WWP2: variants seen among roughly 807,000 people sequenced by gnomAD.
WWP2 encodes WW domain containing E3 ubiquitin protein ligase 2, also known as NEDD4-like E3 ubiquitin-protein ligase WWP2.
A neutral mutation model predicts 121.0 loss-of-function variants in WWP2; 57 were observed. The observed-to-expected ratio is 0.47, with a 90% CI of 0.38 to 0.59. WWP2 has a LOEUF of 0.59. Among genes scored for constraint, WWP2 ranks in the 20% least tolerant of loss-of-function variants. The pLI is 0.00. For missense variants in WWP2, 962 were observed against 1,158.9 expected, an observed-to-expected ratio of 0.83 and a Z score of 2.47; for synonymous variants, 449 against 441.3, an observed-to-expected ratio of 1.02 and a Z score of -0.22.
chr16:69,892,330 A>G (rs1051317406), intron 8 of WWP2, among the ~76,000 whole-genome samples: 1 of 151,760 alleles, frequency 6.6e-6, no homozygotes, highest in Non-Finnish European at 1.5e-5. Context: ...TCCTAATGCT[A>G]TCCCTCCCCT....
rs200965935 is a variant in WWP2 at position 69,902,447 on chromosome 16, A to G, written c.915-6314A>G. ...CTGCTTTTAAAGTACTTTGAAGTAC[A>G]AAGACCTCGTGTAGTCCATGATCCA... On this transcript the variant is annotated intron_variant, in intron 8 of 23. Transcript: ENST00000359154. 2.0e-5 allele frequency among the ~76,000 whole-genome samples: 3 copies of G among 152,338 alleles called. No homozygotes were observed. The East Asian group carries it at 5.8e-4, about 29-fold the overall frequency.
chr16:69,783,373 T>C (rs916838772), intron 1 of WWP2, among the ~76,000 whole-genome samples: 2 of 152,042 alleles, frequency 1.3e-5, no homozygotes, highest in Non-Finnish European at 2.9e-5. Context: ...TGAACAACTC[T>C]TTAAGATAAG....
At position 69,939,030 on chromosome 16, in the gene WWP2, GT is replaced by G; in HGVS notation, c.2348del (p.Val783GlyfsTer71). On this transcript the variant is annotated frameshift_variant, in exon 22 of 24. Transcript: ENST00000359154. LOFTEE classifies it high-confidence loss of function. ...GCCTTGACTTGCGGACTTCCAGGTG[GT>G]GAAGGAGATGGACAACGAGAAGAGG... ...SKQIQWFWQV[V>X]KEMDNEKRIR... The G allele has an allele frequency of 1.2e-6, 2 of 1,601,500 alleles. No individual in the cohort carries two copies.
chr16:69,913,495 C>T (rs2058432664), intron 9 of WWP2, among the ~76,000 whole-genome samples: 1 of 151,786 alleles, frequency 6.6e-6, no homozygotes, highest in African/African-American at 2.4e-5. Flanking sequence ...GAGCAAGACC[C>T]TGTCTCAAAA....
chr16:69,885,464 T>C (rs1468877983), intron 7 of WWP2, among the ~76,000 whole-genome samples: 1 of 152,256 alleles, frequency 6.6e-6, no homozygotes. Context: ...AAATAAATCA[T>C]AGCCAATTTC....
chr16:69,834,962 T>G (rs1279496731), intron 4 of WWP2, among the ~76,000 whole-genome samples: 1 of 152,190 alleles, frequency 6.6e-6, no homozygotes, highest in African/African-American at 2.4e-5. Flanking sequence ...GCCCATCTTG[T>G]TCCTGTTGAG....
At chr16:69,894,482 AG>A (rs1017136623) in intron 8 of WWP2, among the ~76,000 whole-genome samples, 10 of 152,188 alleles carry the variant, frequency 6.6e-5, no homozygotes, top group African/African-American at 2.4e-4. Flanking sequence ...CCTGGGCTGA[AG>A]ATGTCCAAAT....
At chr16:69,821,149 A>G (rs2056586240) in intron 4 of WWP2, among the ~76,000 whole-genome samples, 1 of 152,188 alleles carries the variant, frequency 6.6e-6, no homozygotes, top group Non-Finnish European at 1.5e-5. Context: ...GCGGTCTCTG[A>G]AAAGCCCTCT....
intron 4 of WWP2, among the ~76,000 whole-genome samples, chr16:69,822,575 G>A (rs72783198): frequency 0.06 from 9,143 of 152,118 alleles, 319 homozygotes; most frequent in Middle Eastern, 0.11. Context: ...TCATGCATGT[G>A]TGTTTATCAA....
intron 18 of WWP2, 111 bp from the exon 19 acceptor site, chr16:69,936,201 C>A: frequency 6.5e-7 from 1 of 1,533,506 alleles, no homozygotes. Context: ...TGTCACTGTT[C>A]AGGATTCTAG....
intron 6 of WWP2, among the ~76,000 whole-genome samples, chr16:69,866,274 A>T (rs1316508977): frequency 2.7e-3 from 15 of 5,550 alleles, no homozygotes; most frequent in Admixed American, 9.4e-3. Context: ...TTCACATTTT[A>T]TTTATTTATT....
At chr16:69,765,051 A>G (rs8059345) in intron 1 of WWP2, among the ~76,000 whole-genome samples, 42,478 of 151,838 alleles carry the variant, frequency 0.28, 6,733 homozygotes, top group East Asian at 0.41. Flanking sequence ...AAAAAATACA[A>G]AAATTAGCCA....
intron 9 of WWP2, among the ~76,000 whole-genome samples, chr16:69,914,155 T>A (rs1432041386): frequency 1.4e-5 from 2 of 140,376 alleles, no homozygotes; most frequent in Non-Finnish European, 3.0e-5. Flanking sequence ...AGACATTCAA[T>A]ATCTGAAGAA....
intron 17 of WWP2, 109 bp downstream of exon 17, chr16:69,934,238 C>T (rs1045960161): frequency 7.1e-7 from 1 of 1,404,622 alleles, no homozygotes; most frequent in African/African-American, 1.4e-5. Context: ...TCTCTGAGAC[C>T]TCCAGGAAGG....
In WWP2 at chr16:69,842,132, C is replaced by G; in HGVS notation, c.575+12C>G. 1 of 1,610,180 alleles carries G rather than the reference C, an allele frequency of 6.2e-7. No homozygotes were observed. Among genetic ancestry groups the G allele is most frequent in the Non-Finnish European group, 8.5e-7 (1 of 1,178,028 alleles). ...GGTGGAAGATCCCGGTAAGACCCCC[C>G]TTGGTGAGGACAAAGAGCTAAGAAG... On this transcript the variant is annotated intron_variant, in intron 6 of 23. Coordinates refer to ENST00000359154, the MANE Select transcript of WWP2 (RefSeq NM_001270454.2).
chr16:69,929,393 G>GTTT (rs2058680916), intron 11 of WWP2, 55 bp from the exon 12 acceptor site: 1 of 1,553,878 alleles, frequency 6.4e-7, no homozygotes, highest in Non-Finnish European at 8.9e-7. Flanking sequence ...TCAGGGAAAG[G>GTTT]ACACCGGCTC....
At chr16:69,844,584 A>C (rs1207500729) in intron 6 of WWP2, among the ~76,000 whole-genome samples, 1 of 152,204 alleles carries the variant, frequency 6.6e-6, no homozygotes, top group African/African-American at 2.4e-5. Context: ...TGAAATTCAG[A>C]GATCCTGTTA....
chr16:69,877,678 C>T lies in WWP2; in HGVS notation c.703+5747C>T, dbSNP rs140204619. On this transcript the variant is annotated intron_variant, in intron 7 of 23. Coordinates refer to ENST00000359154, the MANE Select transcript of WWP2 (RefSeq NM_001270454.2). ...CTAGTATTTGATTTAAAGTGAGAGA[C>T]ATATGACTCTTCCTTTTGCTTGAAC... 5.5e-3 allele frequency among the ~76,000 whole-genome samples: 837 copies of T among 152,128 alleles called. 7 individuals are homozygous for T. The highest frequency in any genetic ancestry group is 0.019 in the African/African-American group (789 of 41,488).
At chr16:69,930,079 A>G in intron 12 of WWP2, 51 bp from the exon 13 acceptor site, 1 of 1,610,484 alleles carries the variant, frequency 6.2e-7, no homozygotes, top group Non-Finnish European at 8.5e-7. Flanking sequence ...CCAACCACCA[A>G]GGTCCAGAAG....
Sources: allele counts gnomAD v4.1 joint callset (sites outside exome capture counted in the v4.1 genomes callset), GRCh38; gene constraint gnomAD v4.1.1; transcripts MANE v1.5; gene names NCBI Gene and HGNC (gene_info 2026-07-23, HGNC 2026-07-21).